The following PAK5 variants were observed in gnomAD, a reference collection of about 807,000 sequenced individuals.
The protein encoded by PAK5 is p21 (RAC1) activated kinase 5.
In PAK5, 16 loss-of-function variants were observed where a neutral mutation model predicts 65.9. The ratio of observed to expected loss-of-function variants is 0.24; its 90% CI spans 0.16 to 0.37. PAK5 has a LOEUF of 0.37. Ranked by LOEUF, PAK5 falls within the 10% of genes least tolerant of loss-of-function variation. PAK5 has a pLI of 1.00. For missense variants in PAK5, 785 were observed against 903.9 expected (o/e 0.87, Z 1.69); for synonymous variants, 371 against 354.9 (o/e 1.05, Z -0.51).
intron 1 of PAK5, among the ~76,000 whole-genome samples, chr20:9,830,803 C>A (rs916380133): frequency 6.6e-6 from 1 of 152,166 alleles, no homozygotes; most frequent in South Asian, 2.1e-4. Context: ...GAACATTAGA[C>A]CATGAACCTT....
chr20:9,666,087 G>A (rs74750795), intron 2 of PAK5, among the ~76,000 whole-genome samples: 197 of 152,208 alleles, frequency 1.3e-3, no homozygotes, highest in African/African-American at 4.6e-3. Flanking sequence ...CTGTTTAGTT[G>A]TAAATGAGCT....
chr20:9,738,765 G>C (rs1430879899), intron 1 of PAK5, among the ~76,000 whole-genome samples: 6 of 152,112 alleles, frequency 3.9e-5, no homozygotes, highest in African/African-American at 1.4e-4. Context: ...TGACTTCATG[G>C]TTGTATACAT....
chr20:9,789,967 C>A (rs965826893), intron 1 of PAK5, among the ~76,000 whole-genome samples: 1 of 152,034 alleles, frequency 6.6e-6, no homozygotes, highest in East Asian at 1.9e-4. Flanking sequence ...CTTTTTACGC[C>A]CAAGCTGCAA....
At chr20:9,728,736 G>A (rs1306763911) in intron 1 of PAK5, among the ~76,000 whole-genome samples, 2 of 148,816 alleles carry the variant, frequency 1.3e-5, no homozygotes, top group African/African-American at 5.0e-5. Flanking sequence ...GCAAACTACA[G>A]CCCATGGCCA....
chr20:9,667,087 G>C (rs1470195280), intron 2 of PAK5, among the ~76,000 whole-genome samples: 2 of 152,142 alleles, frequency 1.3e-5, no homozygotes, highest in African/African-American at 4.8e-5. Context: ...GACCAGCCTG[G>C]CCAACATGGT....
intron 1 of PAK5, among the ~76,000 whole-genome samples, chr20:9,820,627 C>G (rs2049408347): frequency 6.6e-6 from 1 of 152,208 alleles, no homozygotes; most frequent in South Asian, 2.1e-4. Flanking sequence ...AATTTAGCCT[C>G]TTCCTTCCTG....
chr20:9,559,581 G>A (rs1348553421), intron 6 of PAK5, among the ~76,000 whole-genome samples: 1 of 152,132 alleles, frequency 6.6e-6, no homozygotes, highest in Non-Finnish European at 1.5e-5. Context: ...GGCCAACATG[G>A]TGAAACCCTG....
chr20:9,558,933 C>T (rs6133722), intron 6 of PAK5, among the ~76,000 whole-genome samples: 1 of 152,208 alleles, frequency 6.6e-6, no homozygotes, highest in African/African-American at 2.4e-5. Context: ...GGTTGCGCAG[C>T]TAAGAAATGG....
intron 2 of PAK5, among the ~76,000 whole-genome samples, chr20:9,693,171 A>G (rs531890127): frequency 6.6e-6 from 1 of 152,234 alleles, no homozygotes; most frequent in East Asian, 1.9e-4. Flanking sequence ...AGAGAATACA[A>G]TTGATCCTTT....
chr20:9,699,470 C>T (rs2047910636), intron 2 of PAK5, among the ~76,000 whole-genome samples: 1 of 150,098 alleles, frequency 6.7e-6, no homozygotes. Context: ...TGTATATTTT[C>T]TTCCCCTCAG....
rs1057223425 is a variant in PAK5 at position 9,767,314 on chromosome 20, C to T, written c.-161-55879G>A. Among the ~76,000 whole-genome samples the T allele has an allele frequency of 3.2e-4, 49 of 152,220 alleles. 1 individual carries two copies. The highest frequency in any genetic ancestry group is 3.0e-3 in the Admixed American group (46 of 15,280). ...AATGTTCAATCCTGGATCAAATAAT[C>T]AATGAACTTATCCTCATCATTCTAT... On this transcript the variant is annotated intron_variant, in intron 1 of 9. Coordinates refer to ENST00000353224, the MANE Select transcript of PAK5 (RefSeq NM_177990.4).
intron 3 of PAK5, among the ~76,000 whole-genome samples, chr20:9,621,018 C>T (rs1026687390): frequency 1.3e-5 from 2 of 151,162 alleles, no homozygotes; most frequent in Admixed American, 6.6e-5. Context: ...AACTCTTACC[C>T]AACAAAACAG....
At chr20:9,837,333 C>G (rs983797369) in intron 1 of PAK5, among the ~76,000 whole-genome samples, 2 of 152,206 alleles carry the variant, frequency 1.3e-5, no homozygotes, top group Admixed American at 6.5e-5. Context: ...TTTGATGATA[C>G]TGACTCATTC....
At chr20:9,746,455 C>G (rs1273556446) in intron 1 of PAK5, among the ~76,000 whole-genome samples, 1 of 151,986 alleles carries the variant, frequency 6.6e-6, no homozygotes, top group Non-Finnish European at 1.5e-5. Context: ...ATACAACATA[C>G]TACAGTAAAG....
At chr20:9,644,727 C>T (rs578242252) in intron 2 of PAK5, among the ~76,000 whole-genome samples, 18 of 152,204 alleles carry the variant, frequency 1.2e-4, no homozygotes, top group South Asian at 6.2e-4. Flanking sequence ...ATGACACTTC[C>T]TCAGCCTAGG....
chr20:9,704,053 T>C (rs1289722633), intron 2 of PAK5, among the ~76,000 whole-genome samples: 3 of 152,082 alleles, frequency 2.0e-5, no homozygotes, highest in Admixed American at 2.0e-4. Flanking sequence ...AACTTAGAAG[T>C]TTAAGGTCCT....
At chr20:9,676,455 AG>A (rs1378932401) in intron 2 of PAK5, among the ~76,000 whole-genome samples, 5 of 152,236 alleles carry the variant, frequency 3.3e-5, no homozygotes, top group Non-Finnish European at 7.3e-5. Flanking sequence ...TTCTACAGAA[AG>A]AAAAATAAGA....
At chr20:9,722,651 G>A (rs141831707) in intron 1 of PAK5, among the ~76,000 whole-genome samples, 173 of 152,036 alleles carry the variant, frequency 1.1e-3, no homozygotes, top group African/African-American at 3.6e-3. Flanking sequence ...AAAAAGGCAA[G>A]GTAAGTAGCC....
chr20:9,737,393 C>G (rs2048401433), intron 1 of PAK5, among the ~76,000 whole-genome samples: 1 of 152,006 alleles, frequency 6.6e-6, no homozygotes, highest in South Asian at 2.1e-4. Flanking sequence ...AACAATATTA[C>G]CAAGGATAAA....
Sources: allele counts gnomAD v4.1 joint callset (sites outside exome capture counted in the v4.1 genomes callset), GRCh38; gene constraint gnomAD v4.1.1; transcripts MANE v1.5; gene names NCBI Gene and HGNC (gene_info 2026-07-23, HGNC 2026-07-21).